DSC3: variants seen among roughly 807,000 people sequenced by gnomAD.
The protein encoded by DSC3 is desmocollin 3, also known as desmocollin-3.
A neutral mutation model predicts 89.5 loss-of-function variants in DSC3; 97 were observed. That is an observed-to-expected ratio of 1.08 (90% CI 0.92 to 1.28). The LOEUF (loss-of-function observed/expected upper bound fraction) is 1.28, where lower values mean the gene tolerates loss of function less well. Ranked by LOEUF, DSC3 falls within the 50% of genes most tolerant of loss-of-function variation. The pLI is 0.00. For synonymous variants in DSC3, 436 were observed against 384.1 expected, an observed-to-expected ratio of 1.14 and a Z score of -1.58; for missense variants, 1,199 against 1,085.3, an observed-to-expected ratio of 1.10 and a Z score of -1.47.
chr18:31,028,229 T>C (rs959246221), intron 4 of DSC3, among the ~76,000 whole-genome samples: 4 of 152,052 alleles, frequency 2.6e-5, no homozygotes, highest in Admixed American at 2.6e-4. Flanking sequence ...GCTAGGGGGA[T>C]GGATGAGGAA....
chr18:31,024,321 T>C (rs776323910), intron 6 of DSC3, 28 bp downstream of exon 6: 2 of 1,543,794 alleles, frequency 1.3e-6, no homozygotes, highest in South Asian at 2.5e-5. Flanking sequence ...TTTAAAATGA[T>C]TCTTTTTATT....
In DSC3 at chr18:30,996,858, G is replaced by A. The variant is rs201697324; in HGVS notation, c.2426C>T (p.Thr809Met). The A allele has an allele frequency of 1.9e-5, 30 of 1,613,442 alleles. No individual in the cohort carries two copies. The highest frequency in any genetic ancestry group is 3.3e-5 in the South Asian group (3 of 91,044). The stretch of plus-strand genomic sequence containing the variant: ...AGTGTATCTGCAGTTGTCCACCTCC[G>A]TGTGTCCTCCCCTGCAGGAGTCCAG... Reference protein sequence around the residue: ...HTLDSCRGGHTEVDNCRYTYS... With the variant: ...HTLDSCRGGHMEVDNCRYTYS... The change falls in exon 15 of 16, where the codon ACG (threonine) becomes ATG (methionine). Residue 809 changes from threonine to methionine, a missense_variant. Thr to Met is a moderately conservative substitution (Grantham distance 81). Transcript: ENST00000360428.
At position 30,994,096 on chromosome 18, in the gene DSC3, T is replaced by C. The variant is rs1172161432; in HGVS notation, c.*79A>G. The C allele has an allele frequency of 1.5e-6, 2 of 1,337,010 alleles. No homozygotes were observed. Among genetic ancestry groups the C allele is most frequent in the Admixed American group, 1.7e-5 (1 of 57,288 alleles). The allele number at this position is 1,337,010 out of a possible 1,614,324, so 82.8% of individuals were successfully genotyped here. ...AGAAAAAAATCATCATATACATACA[T>C]GTTGAAATTGAACTTTACAATATTA... On this transcript the variant is annotated 3_prime_UTR_variant, in exon 16 of 16. Transcript: ENST00000360428.
Position 30,992,804 on chromosome 18 carries a change from A to G in DSC3, c.*1371T>C, listed in dbSNP as rs1362353617. On this transcript the variant is annotated 3_prime_UTR_variant, in exon 16 of 16. Coordinates refer to ENST00000360428, the MANE Select transcript of DSC3 (RefSeq NM_001941.5). ...ATTAAAAATTAATTCACGCTGAAGG[A>G]TGGTGGAAAACCTGGAGTCACTTAA... The G allele has an allele frequency of 1.3e-5, 2 of 152,230 alleles. No homozygotes were observed. Among genetic ancestry groups the G allele is most frequent in the Non-Finnish European group, 2.9e-5 (2 of 68,042 alleles). The allele number at this position is 152,230 out of a possible 1,614,324, so 9.4% of individuals were successfully genotyped here.
At position 31,008,158 on chromosome 18, in the gene DSC3, C is replaced by A; in HGVS notation, c.1521G>T (p.Arg507Ser). The A allele has an allele frequency of 6.2e-7, 1 of 1,607,820 alleles. No homozygotes were observed. The highest frequency in any genetic ancestry group is 8.5e-7 in the Non-Finnish European group (1 of 1,176,636). Residue 507 changes from arginine (R) to serine (S), a missense_variant and splice_region_variant, in exon 11 of 16, where the codon AGG (arginine) becomes AGT (serine). Coordinates refer to ENST00000360428, the MANE Select transcript of DSC3 (RefSeq NM_001941.5). ...DPENRNGNGL[R>S]YKKLHDPKGW... The stretch of plus-strand genomic sequence containing the variant: ...CTTTAGGATCATGCAATTTTTTGTA[C>A]CTGTTAATAAAAAAAAAATAGTCTT...
At chr18:31,027,081 G>A (rs1050219961) in intron 4 of DSC3, among the ~76,000 whole-genome samples, 1 of 152,028 alleles carries the variant, frequency 6.6e-6, no homozygotes, top group Non-Finnish European at 1.5e-5. Flanking sequence ...TTCCAATAAT[G>A]TATAATAATA....
chr18:31,035,156 A>G (rs1362938294), intron 1 of DSC3, among the ~76,000 whole-genome samples: 1 of 152,166 alleles, frequency 6.6e-6, no homozygotes, highest in Non-Finnish European at 1.5e-5. Context: ...AGATTTCTGC[A>G]CAAAATTAAA....
Position 30,990,830 on chromosome 18 carries a change from C to T in DSC3, c.*3345G>A, listed in dbSNP as rs1354053350. 11 of 152,270 alleles carry T rather than the reference C, an allele frequency of 7.2e-5. No homozygotes were observed. The East Asian group carries it at 1.3e-3, about 19-fold the overall frequency. The allele number at this position is 152,270 out of a possible 1,614,324, so 9.4% of individuals were successfully genotyped here. A position where few individuals can be genotyped will look rare whatever the true frequency, so the allele number is the denominator to read the frequency against. ...TAATACCCAATCAAAATTTATTATA[C>T]ATATGTATCATAGATACTCATCTGT... is the stretch of plus-strand genomic sequence containing the variant. On this transcript the variant is annotated 3_prime_UTR_variant, in exon 16 of 16. Coordinates refer to ENST00000360428, the MANE Select transcript of DSC3 (RefSeq NM_001941.5).
At chr18:31,029,765 GT>G in intron 3 of DSC3, 137 bp from the exon 4 acceptor site, 1 of 1,057,860 alleles carries the variant, frequency 9.5e-7, no homozygotes, top group Non-Finnish European at 1.4e-6. Context: ...AGCTAAACCA[GT>G]TAATAAAGTC....
At chr18:31,020,740 C>T (rs1053935701) in intron 7 of DSC3, among the ~76,000 whole-genome samples, 1 of 151,908 alleles carries the variant, frequency 6.6e-6, no homozygotes, top group Non-Finnish European at 1.5e-5. Flanking sequence ...GTGCAGGAGT[C>T]GAGACCAGCC....
At chr18:31,005,691 C>G (rs927332628) in intron 12 of DSC3, among the ~76,000 whole-genome samples, 1 of 152,174 alleles carries the variant, frequency 6.6e-6, no homozygotes, top group Non-Finnish European at 1.5e-5. Context: ...AAGCATTAGG[C>G]TAGGTGCTGG....
chr18:31,036,039 G>T (rs1234621024), intron 1 of DSC3, among the ~76,000 whole-genome samples: 1 of 152,004 alleles, frequency 6.6e-6, no homozygotes, highest in African/African-American at 2.4e-5. Flanking sequence ...TGGTTATTTA[G>T]ATTGCTTTTC....
rs1985454008 is a variant in DSC3 at position 31,022,411 on chromosome 18, T to C, written c.867A>G (p.Pro289=). The change falls in exon 7 of 16, where the codon CCA becomes CCG. Residue 289 remains proline (P), a synonymous_variant. Transcript: ENST00000360428. ...GCACAGAAAAGAGCCCAGGTGACCT[T>C]GGTGTCTGCTGCAAAATGCTGTATT... is the stretch of plus-strand genomic sequence containing the variant. ...RLKYSILQQT[P]RSPGLFSVHP... is the part of the protein sequence containing the mutation. The C allele has an allele frequency of 2.5e-6, 4 of 1,613,970 alleles. No homozygotes were observed. The highest frequency in any genetic ancestry group is 3.4e-6 in the Non-Finnish European group (4 of 1,179,986).
chr18:31,015,720 C>CAA (rs1331821483), intron 9 of DSC3, among the ~76,000 whole-genome samples: 1 of 152,130 alleles, frequency 6.6e-6, no homozygotes, highest in African/African-American at 2.4e-5. Context: ...GACAGCACAC[C>CAA]AAAAGGTCTG....
intron 9 of DSC3, 22 bp from the exon 10 acceptor site, chr18:31,008,547 T>G: frequency 6.2e-7 from 1 of 1,613,154 alleles, no homozygotes; most frequent in Non-Finnish European, 8.5e-7. Context: ...AGTCCATGTA[T>G]ATCAGTGTCA....
At chr18:30,994,589 A>T (rs1373790151) in intron 15 of DSC3, 1 of 984,052 alleles carries the variant, frequency 1.0e-6, no homozygotes, top group East Asian at 3.2e-5. Flanking sequence ...ATAAATAAAA[A>T]ATTATGTATA....
In DSC3 at chr18:31,008,007, T is replaced by G. The variant is rs1984913319; in HGVS notation, c.1663+9A>C. On this transcript the variant is annotated intron_variant, in intron 11 of 15. Transcript: ENST00000360428. ...TTTATAGAATACCAGATTAAAACTTTTTTTTTACCTTTGTCTATTGCCAGG... is the reference window on the plus strand; with the variant it reads ...TTTATAGAATACCAGATTAAAACTTGTTTTTTACCTTTGTCTATTGCCAGG... 6.2e-7 allele frequency: 1 copy of G among 1,610,226 alleles called. No individual in the cohort carries two copies. The highest frequency in any genetic ancestry group is 8.5e-7 in the Non-Finnish European group (1 of 1,177,320).
At chr18:31,003,049 C>T (rs921028431) in intron 13 of DSC3, among the ~76,000 whole-genome samples, 2 of 150,648 alleles carry the variant, frequency 1.3e-5, no homozygotes, top group African/African-American at 5.0e-5. Context: ...CAGACATAAT[C>T]ACAAATTAGG....
rs1411230962 is a variant in DSC3 at position 31,024,467 on chromosome 18, A to C, written c.657T>G (p.Asp219Glu). Residue 219 changes from aspartate (D) to glutamate (E), a missense_variant, in exon 6 of 16, where the codon GAT (aspartate) becomes GAG (glutamate). Physicochemically the swap from Asp to Glu is conservative, Grantham distance 45. Coordinates refer to ENST00000360428, the MANE Select transcript of DSC3 (RefSeq NM_001941.5). ...GGAGGGGCAGATCTGCTGAATATCC[A>C]TCTGCAGTTGACGCATAAGCAATCA... ...FDLIAYASTA[D>E]GYSADLPLPL... The C allele has an allele frequency of 6.2e-7, 1 of 1,612,822 alleles. No homozygotes were observed. Among genetic ancestry groups the C allele is most frequent in the African/African-American group, 1.3e-5 (1 of 74,890 alleles).
Sources: gnomAD v4.1 joint callset for allele counts (sites outside exome capture counted in the v4.1 genomes callset) on GRCh38, gnomAD v4.1.1 for gene constraint, MANE v1.5 for transcripts, NCBI Gene and HGNC (gene_info 2026-07-23, HGNC 2026-07-21) for gene names.